CDC73: variants seen among roughly 807,000 people sequenced by gnomAD.
CDC73 encodes cell division cycle 73.
In CDC73, 21 loss-of-function variants were observed where a neutral mutation model predicts 83.7. The ratio of observed to expected loss-of-function variants is 0.25; its 90% CI spans 0.18 to 0.36. The LOEUF is 0.36. CDC73 is among the 10% of genes least tolerant of loss of function. The pLI is 1.00. For synonymous variants in CDC73, 224 were observed against 212.9 expected (o/e 1.05, Z -0.45); for missense variants, 342 against 653.3 (o/e 0.52, Z 5.19).
intron 13 of CDC73, among the ~76,000 whole-genome samples, chr1:193,221,411 A>G (rs1677467629): frequency 6.6e-6 from 1 of 151,526 alleles, no homozygotes; most frequent in African/African-American, 2.4e-5. Context: ...TTTTTTTGGC[A>G]TTTACTGTAT....
chr1:193,245,777 C>T (rs987387585), intron 15 of CDC73, among the ~76,000 whole-genome samples: 1 of 152,102 alleles, frequency 6.6e-6, no homozygotes, highest in African/African-American at 2.4e-5. Flanking sequence ...GCCCTTTCTC[C>T]ACATCCTCTG....
intron 10 of CDC73, among the ~76,000 whole-genome samples, chr1:193,182,172 A>T (rs896436532): frequency 2.6e-5 from 4 of 152,136 alleles, no homozygotes; most frequent in Non-Finnish European, 5.9e-5. Context: ...ATTATGGCAG[A>T]GTTCTGTTAG....
intron 10 of CDC73, among the ~76,000 whole-genome samples, chr1:193,153,447 C>G (rs1329523993): frequency 6.6e-6 from 1 of 151,950 alleles, no homozygotes; most frequent in East Asian, 1.9e-4. Context: ...ACACTAATAC[C>G]AAACTTTTGT....
At chr1:193,244,411 TG>T (rs1677915762) in intron 15 of CDC73, among the ~76,000 whole-genome samples, 1 of 152,192 alleles carries the variant, frequency 6.6e-6, no homozygotes, top group Non-Finnish European at 1.5e-5. Flanking sequence ...TATAGGCTAT[TG>T]CCTACAAAGA....
intron 10 of CDC73, among the ~76,000 whole-genome samples, chr1:193,191,971 A>G (rs1676926688): frequency 2.0e-5 from 3 of 152,236 alleles, no homozygotes. Flanking sequence ...GATATTTAAA[A>G]TTATTAACAC....
intron 10 of CDC73, among the ~76,000 whole-genome samples, chr1:193,166,650 TC>T: frequency 1.3e-5 from 2 of 151,508 alleles, no homozygotes; most frequent in Non-Finnish European, 1.5e-5. Context: ...ACACTTTTTT[TC>T]TTTTTTTTTT....
At chr1:193,191,397 G>A (rs1676915449) in intron 10 of CDC73, among the ~76,000 whole-genome samples, 1 of 151,908 alleles carries the variant, frequency 6.6e-6, no homozygotes, top group African/African-American at 2.4e-5. Context: ...CTCTCTTTTT[G>A]TTTGTTTTTT....
intron 10 of CDC73, among the ~76,000 whole-genome samples, chr1:193,171,746 A>G (rs766573648): frequency 1.6e-4 from 24 of 152,166 alleles, no homozygotes; most frequent in Non-Finnish European, 2.8e-4. Context: ...TAACTTTGCC[A>G]TGTAATGTTA....
At chr1:193,155,321 G>A (rs1050589413) in intron 10 of CDC73, among the ~76,000 whole-genome samples, 1 of 152,180 alleles carries the variant, frequency 6.6e-6, no homozygotes, top group African/African-American at 2.4e-5. Context: ...TTACAAGTTT[G>A]TATAGTTGGG....
chr1:193,185,563 G>GA lies in CDC73; in HGVS notation c.973-18223dup, dbSNP rs200283970. Among the ~76,000 whole-genome samples, 292 of 150,072 alleles carry GA rather than the reference G, an allele frequency of 1.9e-3. 2 individuals are homozygous for GA. The highest frequency in any genetic ancestry group is 2.4e-3 in the Non-Finnish European group (162 of 67,314). On this transcript the variant is annotated intron_variant, in intron 10 of 16. Transcript: ENST00000367435. ...TAAGGTTTTGTTTTAAAAGGACTTTGAAAAAAAAACTCTTAAGGTTTTCCT... is the reference window on the plus strand; with the variant it reads ...TAAGGTTTTGTTTTAAAAGGACTTTGAAAAAAAAAACTCTTAAGGTTTTCCT...
At chr1:193,191,964 A>T (rs1488731005) in intron 10 of CDC73, among the ~76,000 whole-genome samples, 2 of 152,220 alleles carry the variant, frequency 1.3e-5, no homozygotes, top group Non-Finnish European at 2.9e-5. Flanking sequence ...TATTCTTGAT[A>T]TTTAAAATTA....
intron 10 of CDC73, chr1:193,180,447 C>T (rs896980217): frequency 1.5e-5 from 25 of 1,613,734 alleles, no homozygotes; most frequent in Middle Eastern, 1.6e-4. Flanking sequence ...ATTTACAGCT[C>T]GAATAAGAGA....
intron 10 of CDC73, among the ~76,000 whole-genome samples, chr1:193,199,282 C>T (rs1271561483): frequency 6.6e-6 from 1 of 152,084 alleles, no homozygotes; most frequent in Non-Finnish European, 1.5e-5. Context: ...TTTTAAAAGA[C>T]TAGCTGGACA....
chr1:193,218,700 T>C (rs1677412109), intron 13 of CDC73, among the ~76,000 whole-genome samples: 1 of 152,172 alleles, frequency 6.6e-6, no homozygotes, highest in Admixed American at 6.5e-5. Context: ...GATAACTGGC[T>C]AGCCAAATGC....
intron 10 of CDC73, among the ~76,000 whole-genome samples, chr1:193,187,266 TTTTA>T (rs1399985528): frequency 6.6e-6 from 1 of 152,162 alleles, no homozygotes; most frequent in Admixed American, 6.6e-5. Flanking sequence ...GTCATTTATT[TTTTA>T]TTTATTTTTC....
intron 10 of CDC73, among the ~76,000 whole-genome samples, chr1:193,184,821 T>G (rs1366068627): frequency 2.6e-5 from 4 of 151,974 alleles, no homozygotes; most frequent in African/African-American, 7.2e-5. Context: ...TAATAGAGTC[T>G]GGTAAACTTG....
intron 15 of CDC73, among the ~76,000 whole-genome samples, chr1:193,245,918 C>T (rs1572223891): frequency 6.6e-6 from 1 of 152,030 alleles, no homozygotes; most frequent in East Asian, 1.9e-4. Flanking sequence ...TATTTGTTGA[C>T]TATTTTTGTG....
In CDC73 at chr1:193,235,868, A is replaced by G. The variant is rs144106816; in HGVS notation, c.1317-388A>G. Among the ~76,000 whole-genome samples, 261 of 152,342 alleles carry G rather than the reference A, an allele frequency of 1.7e-3. 1 individual carries two copies. Among genetic ancestry groups the G allele is most frequent in the African/African-American group, 6.1e-3 (253 of 41,576 alleles). ...TATTTAAGATGTGTTTGAATTTTAA[A>G]TGATTTTTTAAACAACTTTTTTGAT... On this transcript the variant is annotated intron_variant, in intron 14 of 16. Coordinates refer to ENST00000367435, the MANE Select transcript of CDC73 (RefSeq NM_024529.5).
intron 6 of CDC73, among the ~76,000 whole-genome samples, chr1:193,138,878 G>A (rs377308349): frequency 4.9e-4 from 74 of 150,436 alleles, no homozygotes; most frequent in African/African-American, 1.7e-3. Context: ...GGTTTCAAGC[G>A]ATTCTCCTGC....
Sources: gnomAD v4.1 joint callset for allele counts (sites outside exome capture counted in the v4.1 genomes callset) on GRCh38, gnomAD v4.1.1 for gene constraint, MANE v1.5 for transcripts, NCBI Gene and HGNC (gene_info 2026-07-23, HGNC 2026-07-21) for gene names.